PRKG1: variants seen among roughly 807,000 people sequenced by gnomAD.
The protein encoded by PRKG1 is cGMP-dependent protein kinase 1.
Under a neutral mutation model 88.1 loss-of-function variants are expected in PRKG1, and 35 were observed. The ratio of observed to expected loss-of-function variants is 0.40; its 90% CI spans 0.30 to 0.53. The LOEUF is 0.53. PRKG1 is among the 20% of genes least tolerant of loss of function. The pLI, the probability that PRKG1 is intolerant of heterozygous loss-of-function variation, is 0.59. For synonymous variants in PRKG1, 303 were observed against 292.5 expected (o/e 1.04, Z -0.37); for missense variants, 540 against 839.8 (o/e 0.64, Z 4.41).
At chr10:51,035,686 C>A (rs535353812) in intron 1 of PRKG1, among the ~76,000 whole-genome samples, 2 of 152,088 alleles carry the variant, frequency 1.3e-5, no homozygotes, top group Non-Finnish European at 2.9e-5. Flanking sequence ...TTAAAAAATA[C>A]TTTTAGTTAA....
rs148398779 is a variant in PRKG1, at chr10:51,094,712, A to C, written c.311+19811A>C. 5.5e-3 allele frequency among the ~76,000 whole-genome samples: 844 copies of C among 152,290 alleles called. 5 individuals carry two copies. Among genetic ancestry groups the C allele is most frequent in the African/African-American group, 0.019 (801 of 41,556 alleles). ...GAAATAGGAAACACAAAAGCTGCCG[A>C]AACCCTTGTGGCCAAATTAGGTTGG... is the stretch of plus-strand genomic sequence containing the variant. On this transcript the variant is annotated intron_variant, in intron 1 of 17. Transcript: ENST00000373980.
chr10:51,115,260 G>T (rs535957435), intron 1 of PRKG1, among the ~76,000 whole-genome samples: 57 of 139,196 alleles, frequency 4.1e-4, no homozygotes, highest in Non-Finnish European at 7.9e-4. Flanking sequence ...GTTGCAGTGA[G>T]CTGAGATCAG....
At position 52,272,395 on chromosome 10, in the gene PRKG1, G is replaced by A. The variant is rs757592722; in HGVS notation, c.1317G>A (p.Leu439=). 5.6e-6 allele frequency: 9 copies of A among 1,601,640 alleles called. No homozygotes were observed. The highest frequency in any genetic ancestry group is 3.3e-4 in the Middle Eastern group (2 of 6,028). Residue 439 remains leucine (L), a synonymous_variant, in exon 12 of 18, where the codon CTG becomes CTA. Transcript: ENST00000373980. ...TTTTCTTGTTTGCAATTTACAGACT[G>A]TACAGAACATTTAAGGACAGCAAAT... ...QGAHSDFIVR[L]YRTFKDSKYL... is the part of the protein sequence containing the mutation.
chr10:52,124,912 T>C (rs1847896902), intron 7 of PRKG1, among the ~76,000 whole-genome samples: 1 of 152,140 alleles, frequency 6.6e-6, no homozygotes, highest in Admixed American at 6.6e-5. Context: ...CTACGTCTTG[T>C]CCCCTTGGAA....
chr10:52,246,106 T>C (rs1413585309), intron 9 of PRKG1, among the ~76,000 whole-genome samples: 2 of 152,240 alleles, frequency 1.3e-5, no homozygotes, highest in South Asian at 4.1e-4. Context: ...TAGGGAGAGA[T>C]GTTTAGTTCT....
At chr10:52,110,738 C>G (rs1847543870) in intron 7 of PRKG1, among the ~76,000 whole-genome samples, 1 of 152,112 alleles carries the variant, frequency 6.6e-6, no homozygotes, top group Admixed American at 6.5e-5. Flanking sequence ...CTTGATTGCT[C>G]AATAGATTAT....
intron 2 of PRKG1, among the ~76,000 whole-genome samples, chr10:51,429,583 A>T (rs917359226): frequency 2.6e-5 from 4 of 152,202 alleles, no homozygotes; most frequent in Admixed American, 2.6e-4. Flanking sequence ...ATGTTTAAAG[A>T]ATTAAAGTAT....
chr10:51,782,094 A>G (rs565579727), intron 3 of PRKG1, among the ~76,000 whole-genome samples: 4 of 152,240 alleles, frequency 2.6e-5, no homozygotes, highest in African/African-American at 9.6e-5. Context: ...TCAAGTATTA[A>G]TATTTAATCT....
chr10:51,205,969 G>A (rs1157900085), intron 2 of PRKG1, among the ~76,000 whole-genome samples: 8 of 152,166 alleles, frequency 5.3e-5, no homozygotes, highest in African/African-American at 1.7e-4. Flanking sequence ...TGGTAAACAT[G>A]TGTGGATGGG....
chr10:51,131,351 T>G (rs1845561960), intron 1 of PRKG1, among the ~76,000 whole-genome samples: 1 of 152,244 alleles, frequency 6.6e-6, no homozygotes, highest in Non-Finnish European at 1.5e-5. Context: ...AATCTAATTA[T>G]CTCATTGTAA....
intron 5 of PRKG1, among the ~76,000 whole-genome samples, chr10:51,977,157 C>G (rs1843858526): frequency 6.6e-6 from 1 of 151,948 alleles, no homozygotes; most frequent in South Asian, 2.1e-4. Flanking sequence ...GTCTGCTCCC[C>G]TCTATGTGTC....
At chr10:52,033,249 C>A (rs1845515894) in intron 5 of PRKG1, among the ~76,000 whole-genome samples, 1 of 152,126 alleles carries the variant, frequency 6.6e-6, no homozygotes, top group African/African-American at 2.4e-5. Context: ...AGAAGATTGC[C>A]TGGTGACTAT....
intron 3 of PRKG1, among the ~76,000 whole-genome samples, chr10:51,536,552 G>A (rs547547372): frequency 2.2e-3 from 337 of 152,078 alleles, no homozygotes; most frequent in Non-Finnish European, 3.4e-3. Flanking sequence ...GGTTCCACTT[G>A]CCAATTTTTG....
chr10:51,649,261 G>A (rs1839984042), intron 3 of PRKG1, among the ~76,000 whole-genome samples: 1 of 152,118 alleles, frequency 6.6e-6, no homozygotes, highest in Non-Finnish European at 1.5e-5. Context: ...AATCCATGAT[G>A]AGTCATTGCT....
rs536227907 is a variant in PRKG1, at chr10:51,860,739, T to C, written c.699-46768T>C. 2.6e-5 allele frequency among the ~76,000 whole-genome samples: 4 copies of C among 152,288 alleles called. No individual in the cohort carries two copies. The East Asian group carries it at 7.7e-4, about 29-fold the overall frequency. ...ATAGAAATAAGGACTTTGTTGAACT[T>C]GGCAAAAATACCCAGTTCAGAGATT... On this transcript the variant is annotated intron_variant, in intron 4 of 17. Transcript: ENST00000373980.
intron 2 of PRKG1, among the ~76,000 whole-genome samples, chr10:51,217,123 G>T (rs183457978): frequency 6.0e-4 from 91 of 152,212 alleles, no homozygotes; most frequent in South Asian, 1.0e-3. Flanking sequence ...TAATTTGGCT[G>T]TGTATAATTG....
At chr10:51,136,441 G>T (rs1174332075) in intron 1 of PRKG1, among the ~76,000 whole-genome samples, 1 of 151,992 alleles carries the variant, frequency 6.6e-6, no homozygotes, top group Non-Finnish European at 1.5e-5. Context: ...ATTATCTCAG[G>T]AGAATATGTT....
chr10:51,927,246 T>A (rs968619268), intron 5 of PRKG1, among the ~76,000 whole-genome samples: 3 of 152,180 alleles, frequency 2.0e-5, no homozygotes, highest in Non-Finnish European at 4.4e-5. Context: ...CTTGTGGTAG[T>A]GACTGTGTCT....
intron 9 of PRKG1, among the ~76,000 whole-genome samples, chr10:52,180,666 G>A (rs888903310): frequency 6.6e-6 from 1 of 152,186 alleles, no homozygotes; most frequent in Non-Finnish European, 1.5e-5. Flanking sequence ...ATGTTCGCTA[G>A]TATCTTAGTG....
Sources: gnomAD v4.1 joint callset for allele counts (sites outside exome capture counted in the v4.1 genomes callset) on GRCh38, gnomAD v4.1.1 for gene constraint, MANE v1.5 for transcripts, NCBI Gene and HGNC (gene_info 2026-07-23, HGNC 2026-07-21) for gene names.